The following MREG variants were observed in gnomAD, a reference collection of about 807,000 sequenced individuals.
The protein encoded by MREG is dilute suppressor protein homolog.
A neutral mutation model predicts 28.5 loss-of-function variants in MREG; 31 were observed. The observed-to-expected ratio is 1.09, with a 90% CI of 0.82 to 1.47. The LOEUF (loss-of-function observed/expected upper bound fraction) is 1.47. MREG is among the 40% of genes most tolerant of loss of function. MREG has a pLI of 0.00. For synonymous variants in MREG, 106 were observed against 95.2 expected, an observed-to-expected ratio of 1.11 and a Z score of -0.66; for missense variants, 256 against 257.4, an observed-to-expected ratio of 0.99 and a Z score of 0.04.
intron 2 of MREG, among the ~76,000 whole-genome samples, chr2:215,975,979 G>A (rs887513788): frequency 1.3e-5 from 2 of 152,080 alleles, no homozygotes; most frequent in East Asian, 1.9e-4. Flanking sequence ...CCAGCTACTC[G>A]CGGGGGGCGT....
intron 2 of MREG, among the ~76,000 whole-genome samples, chr2:215,981,436 C>T (rs1693426562): frequency 6.6e-6 from 1 of 151,912 alleles, no homozygotes; most frequent in South Asian, 2.1e-4. Flanking sequence ...ATTCCACTTA[C>T]AGTACGTACC....
intron 2 of MREG, among the ~76,000 whole-genome samples, chr2:215,947,694 A>T (rs1230188137): frequency 6.6e-6 from 1 of 152,208 alleles, no homozygotes; most frequent in East Asian, 1.9e-4. Flanking sequence ...AGACCTGAAA[A>T]TCCCAAGTTT....
chr2:215,945,524 A>G, intron 4 of MREG, 47 bp downstream of exon 4: 4 of 1,589,680 alleles, frequency 2.5e-6, no homozygotes, highest in Non-Finnish European at 3.4e-6. Context: ...TAAAAAGCCA[A>G]GCAATTAAAG....
At chr2:216,020,057 G>A (rs1358605686) in intron 1 of MREG, among the ~76,000 whole-genome samples, 1 of 152,126 alleles carries the variant, frequency 6.6e-6, no homozygotes, top group Non-Finnish European at 1.5e-5. Context: ...GCTGGAAGAG[G>A]AGTAGAGCAC....
At chr2:216,006,457 A>C (rs948912024) in intron 1 of MREG, among the ~76,000 whole-genome samples, 8 of 152,252 alleles carry the variant, frequency 5.3e-5, no homozygotes, top group African/African-American at 1.9e-4. Context: ...ACTTTCCTTC[A>C]GTAAAAACCC....
upstream of MREG, among the ~76,000 whole-genome samples, chr2:216,015,932 G>C (rs1351657682): frequency 1.3e-5 from 2 of 152,200 alleles, no homozygotes; most frequent in Non-Finnish European, 2.9e-5. Context: ...GCTTATGAAA[G>C]TGTCAATCCT....
intron 2 of MREG, among the ~76,000 whole-genome samples, chr2:215,976,461 A>C (rs1293702095): frequency 6.6e-6 from 1 of 152,210 alleles, no homozygotes; most frequent in East Asian, 1.9e-4. Context: ...TCTGGGGATG[A>C]CATTCAGAAA....
chr2:216,031,420 GAAAGAAAGA>G (rs1233420193), intron 1 of MREG, among the ~76,000 whole-genome samples: 6 of 50,712 alleles, frequency 1.2e-4, no homozygotes, highest in East Asian at 7.1e-4. Flanking sequence ...AAGAAAGGAA[GAAAGAAAGA>G]AAAGAAAGAA....
intron 2 of MREG, among the ~76,000 whole-genome samples, chr2:215,970,924 C>T (rs1178206051): frequency 6.6e-6 from 1 of 152,076 alleles, no homozygotes; most frequent in Non-Finnish European, 1.5e-5. Flanking sequence ...AAATGTGGCA[C>T]ATATACACTA....
intron 1 of MREG, among the ~76,000 whole-genome samples, chr2:216,007,695 G>T (rs1694196580): frequency 6.6e-6 from 1 of 151,204 alleles, no homozygotes; most frequent in South Asian, 2.1e-4. Context: ...CTTCCGAAGT[G>T]CTGGGATTAC....
rs1035391790 is a variant in MREG, at chr2:215,944,110, G to C, written c.*753C>G. The C allele has an allele frequency of 6.7e-6, 1 of 150,268 alleles. No individual in the cohort carries two copies. The highest frequency in any genetic ancestry group is 1.5e-5 in the Non-Finnish European group (1 of 67,896). 9.3% of individuals were successfully genotyped at this position (150,268 alleles called of 1,614,324 possible). ...TTCTCCTACCTCAGCCTCCTGGGTA[G>C]CTGGGATTACAAGCGCGTGCCATCA... On this transcript the variant is annotated 3_prime_UTR_variant, in exon 5 of 5. Transcript: ENST00000263268.
chr2:215,996,570 T>C, intron 1 of MREG, 105 bp from the exon 2 acceptor site: 2 of 750,660 alleles, frequency 2.7e-6, no homozygotes, highest in Admixed American at 2.9e-5. Flanking sequence ...TACTATGTAA[T>C]ATATAAATAT....
intron 2 of MREG, among the ~76,000 whole-genome samples, chr2:215,969,901 C>T (rs1333160589): frequency 1.3e-5 from 2 of 152,104 alleles, no homozygotes; most frequent in Non-Finnish European, 2.9e-5. Flanking sequence ...AAGAAAAAAC[C>T]TTGCAAAGGG....
At chr2:215,963,231 G>A (rs914220846) in intron 2 of MREG, among the ~76,000 whole-genome samples, 7 of 152,060 alleles carry the variant, frequency 4.6e-5, no homozygotes, top group African/African-American at 1.4e-4. Context: ...AGGCCGAGGC[G>A]GATGGATCAC....
At chr2:215,984,268 C>A (rs1375571208) in intron 2 of MREG, among the ~76,000 whole-genome samples, 1 of 152,090 alleles carries the variant, frequency 6.6e-6, no homozygotes, top group Non-Finnish European at 1.5e-5. Flanking sequence ...TACCTCCCCC[C>A]ATGTCCATCC....
intron 2 of MREG, among the ~76,000 whole-genome samples, chr2:215,961,785 C>A (rs994499038): frequency 1.3e-5 from 2 of 152,174 alleles, no homozygotes; most frequent in East Asian, 3.8e-4. Flanking sequence ...CCAGGAAAAA[C>A]TGGGTCTTAG....
intron 1 of MREG, among the ~76,000 whole-genome samples, chr2:216,007,354 C>T (rs1268797224): frequency 6.6e-6 from 1 of 152,152 alleles, no homozygotes; most frequent in Non-Finnish European, 1.5e-5. Flanking sequence ...CTTCTTGGTT[C>T]AGCTCTCAGA....
chr2:216,015,123 G>GTGTGTGCGCGCGTGCGTGCGCGCGCA (rs1553556743), upstream of MREG, among the ~76,000 whole-genome samples: 5 of 147,524 alleles, frequency 3.4e-5, no homozygotes, highest in Admixed American at 6.7e-5. Flanking sequence ...GTGCACGCGT[G>GTGTGTGCGCGCGTGCGTGCGCGCGCA]TGTGTGCGCG....
At chr2:216,031,853 TTACC>T (rs1694716537) in intron 1 of MREG, among the ~76,000 whole-genome samples, 1 of 152,220 alleles carries the variant, frequency 6.6e-6, no homozygotes, top group Non-Finnish European at 1.5e-5. Context: ...GCAGCAAGTC[TTACC>T]TACCTGAGGA....
Sources: gnomAD v4.1 joint callset for allele counts (sites outside exome capture counted in the v4.1 genomes callset) on GRCh38, gnomAD v4.1.1 for gene constraint, MANE v1.5 for transcripts, NCBI Gene and HGNC (gene_info 2026-07-23, HGNC 2026-07-21) for gene names.